The following JAML variants were observed in gnomAD, a reference collection of about 807,000 sequenced individuals.
JAML encodes the protein junction adhesion molecule like, also known as junctional adhesion molecule-like.
Under a neutral mutation model 39.3 loss-of-function variants are expected in JAML, and 25 were observed. That is an observed-to-expected ratio of 0.64 (90% confidence interval 0.46 to 0.89). JAML has a LOEUF of 0.89. Among genes scored for constraint, JAML ranks in the 40% least tolerant of loss-of-function variants. JAML has a pLI of 0.00. For missense variants in JAML, 440 were observed against 486.9 expected (o/e 0.90, Z 0.91); for synonymous variants, 162 against 179.2 (o/e 0.90, Z 0.77).
chr11:118,221,039 A>G (rs1565486437), intron 1 of JAML, among the ~76,000 whole-genome samples: 1 of 152,206 alleles, frequency 6.6e-6, no homozygotes, highest in Non-Finnish European at 1.5e-5. Context: ...GCTCCCTGTC[A>G]TAGAGATGCC....
intron 8 of JAML, 166 bp downstream of exon 8, chr11:118,197,832 C>T: frequency 3.2e-6 from 2 of 633,842 alleles, no homozygotes; most frequent in Non-Finnish European, 5.5e-6. Context: ...GCACTGTACT[C>T]CGCAGAGGCT....
At position 118,205,921 on chromosome 11, in the gene JAML, C is replaced by G. The variant is rs1440656433; in HGVS notation, c.495G>C (p.Val165=). Residue 165 remains valine, a synonymous_variant, in exon 5 of 10, where the codon GTG becomes GTC. Coordinates refer to ENST00000356289, the MANE Select transcript of JAML (RefSeq NM_001098526.2). Reference sequence around the variant, plus strand: ...CTGAAAATATCCATTCTACCTTGGTCACGTGTTTCACTTCTGTGCTCTGGA... The same window carrying G: ...CTGAAAATATCCATTCTACCTTGGTGACGTGTTTCACTTCTGTGCTCTGGA... ...CVFQSTEVKH[V]TKVEWIFSGR... is the part of the protein sequence containing the mutation. The G allele has an allele frequency of 1.9e-6, 3 of 1,614,148 alleles. No homozygotes were observed. The highest frequency in any genetic ancestry group is 2.5e-6 in the Non-Finnish European group (3 of 1,180,000).
In JAML at chr11:118,205,881, C is replaced by A. The variant is rs1948904924; in HGVS notation, c.534+1G>T. The A allele has an allele frequency of 4.3e-6, 7 of 1,613,376 alleles. No individual in the cohort carries two copies. The highest frequency in any genetic ancestry group is 4.2e-6 in the Non-Finnish European group (5 of 1,179,344). ...ACACAGTGATGTTTCCTCCTTGTTA[C>A]CTTTGCGCGCCGTCCTGAAAATATC... On this transcript the variant is annotated splice_donor_variant, in intron 5 of 9. Transcript: ENST00000356289. LOFTEE classifies it high-confidence loss of function.
chr11:118,205,644 C>A, intron 5 of JAML: 1 of 504,044 alleles, frequency 2.0e-6, no homozygotes, highest in Non-Finnish European at 3.6e-6. Flanking sequence ...AAATGCTTTA[C>A]ATGTACAATC....
At chr11:118,212,270 C>T (rs183631115) in intron 3 of JAML, 137 bp downstream of exon 3, 2 of 1,079,348 alleles carry the variant, frequency 1.9e-6, no homozygotes, top group Admixed American at 5.3e-5. Flanking sequence ...TAGGACGAGG[C>T]CCAGTTCTGA....
At chr11:118,206,740 C>T (rs1460129930) in intron 4 of JAML, among the ~76,000 whole-genome samples, 1 of 152,154 alleles carries the variant, frequency 6.6e-6, no homozygotes, top group Non-Finnish European at 1.5e-5. Context: ...TAGGCTCTTC[C>T]TTCTGACTAT....
At position 118,214,984 on chromosome 11, in the gene JAML, G is replaced by C. The variant is rs1055608328; in HGVS notation, c.-20-98C>G. 5 of 1,047,914 alleles carry C rather than the reference G, an allele frequency of 4.8e-6. No homozygotes were observed. In the East Asian group the frequency reaches 1.2e-4, roughly 26 times the overall value. The allele number at this position is 1,047,914 out of a possible 1,614,324, so 64.9% of individuals were successfully genotyped here. On this transcript the variant is annotated intron_variant, in intron 1 of 9. Coordinates refer to ENST00000356289, the MANE Select transcript of JAML (RefSeq NM_001098526.2). The stretch of plus-strand genomic sequence containing the variant: ...GGACTATACGGAGCAGCCTCTGTTT[G>C]AGACACTGGTATGCAGCATTGAACA...
At chr11:118,220,518 C>T (rs998295697) in intron 1 of JAML, among the ~76,000 whole-genome samples, 1 of 152,212 alleles carries the variant, frequency 6.6e-6, no homozygotes, top group Admixed American at 6.5e-5. Flanking sequence ...ACAAATTTAA[C>T]CCTCAGACTC....
intron 8 of JAML, chr11:118,197,712 T>G: frequency 2.9e-6 from 1 of 346,546 alleles, no homozygotes; most frequent in Non-Finnish European, 5.3e-6. Context: ...TATCCTCATT[T>G]TGCTGATGAG....
At chr11:118,207,034 A>G (rs1332354896) in intron 4 of JAML, among the ~76,000 whole-genome samples, 1 of 152,246 alleles carries the variant, frequency 6.6e-6, no homozygotes, top group Non-Finnish European at 1.5e-5. Flanking sequence ...GAGAAGAGTA[A>G]CTTCCTGCCC....
rs1468414541 is a variant in JAML, at chr11:118,210,633, T to C, written c.278A>G (p.Asp93Gly). The C allele has an allele frequency of 6.2e-7, 1 of 1,614,126 alleles. No individual in the cohort carries two copies. The highest frequency in any genetic ancestry group is 8.5e-7 in the Non-Finnish European group (1 of 1,180,012). ...RFQNRVHLMG[D>G]ILCNDGSLLL... ...GAGAGAGCCATCATTGCATAAGATG[T>C]CCCCCATCAAGTGTACGCGGTTCTG... The change falls in exon 4 of 10, where the codon GAC (aspartate) becomes GGC (glycine). Residue 93 changes from aspartate (D) to glycine (G), a missense_variant. Transcript: ENST00000356289.
chr11:118,214,444 A>T (rs575249273), intron 2 of JAML, among the ~76,000 whole-genome samples: 16 of 152,354 alleles, frequency 1.1e-4, no homozygotes, highest in Middle Eastern at 3.4e-3. Flanking sequence ...ACATGGCCAC[A>T]GTATGAAAAA....
chr11:118,220,270 G>A (rs1207014829), intron 1 of JAML, among the ~76,000 whole-genome samples: 1 of 152,150 alleles, frequency 6.6e-6, no homozygotes, highest in Non-Finnish European at 1.5e-5. Context: ...CCGGTGCAAG[G>A]CCCCAGTGCA....
chr11:118,205,658 T>C (rs2134657643), intron 5 of JAML: 1 of 535,334 alleles, frequency 1.9e-6, no homozygotes, highest in East Asian at 3.2e-5. Context: ...TACAATCTCA[T>C]ATCGGCATCC....
chr11:118,221,353 T>C (rs1456471263), intron 1 of JAML, among the ~76,000 whole-genome samples: 1 of 152,198 alleles, frequency 6.6e-6, no homozygotes, highest in Non-Finnish European at 1.5e-5. Context: ...GGGACAATTT[T>C]TCCCCATGGA....
At chr11:118,200,690 T>G in intron 6 of JAML, 78 bp from the exon 7 acceptor site, 1 of 1,549,744 alleles carries the variant, frequency 6.5e-7, no homozygotes, top group Non-Finnish European at 8.9e-7. Context: ...CTATACCAAG[T>G]AGCACCAGCC....
chr11:118,211,617 A>G (rs1306230337), intron 3 of JAML, among the ~76,000 whole-genome samples: 8 of 152,212 alleles, frequency 5.3e-5, no homozygotes, highest in Admixed American at 5.2e-4. Flanking sequence ...AAAAATTTGA[A>G]TGAGAGTAGC....
chr11:118,211,786 A>G (rs1305633823), intron 3 of JAML, among the ~76,000 whole-genome samples: 1 of 152,108 alleles, frequency 6.6e-6, no homozygotes, highest in African/African-American at 2.4e-5. Flanking sequence ...GGCTTAATAC[A>G]CTGTTCCTCA....
chr11:118,210,623 G>C lies in JAML; in HGVS notation c.288C>G (p.Cys96Trp), dbSNP rs145028191. The C allele has an allele frequency of 4.3e-6, 7 of 1,614,188 alleles. No homozygotes were observed. The highest frequency in any genetic ancestry group is 1.1e-5 in the South Asian group (1 of 91,076). ...CTTGGAGCAGGAGAGAGCCATCATT[G>C]CATAAGATGTCCCCCATCAAGTGTA... ...NRVHLMGDIL[C>W]NDGSLLLQDV... Residue 96 changes from cysteine to tryptophan, a missense_variant, in exon 4 of 10, where the codon TGC (cysteine) becomes TGG (tryptophan). By Grantham distance (215) the Cys-to-Trp change is radical (BLOSUM62 -2). Coordinates refer to ENST00000356289, the MANE Select transcript of JAML (RefSeq NM_001098526.2).
Sources: gnomAD v4.1 joint callset for allele counts (sites outside exome capture counted in the v4.1 genomes callset) on GRCh38, gnomAD v4.1.1 for gene constraint, MANE v1.5 for transcripts, NCBI Gene and HGNC (gene_info 2026-07-23, HGNC 2026-07-21) for gene names.